The following UBXN11 variants were observed in gnomAD, a reference collection of about 807,000 sequenced individuals.
The protein encoded by UBXN11 is UBX domain protein 11.
UBXN11 carries 47 observed loss-of-function variants against 62.8 expected under a neutral mutation model. That is an observed-to-expected ratio of 0.75 (90% CI 0.59 to 0.95). The LOEUF is 0.95. Ranked by LOEUF, UBXN11 falls within the 40% of genes least tolerant of loss-of-function variation. UBXN11 has a pLI of 0.00. For missense variants in UBXN11, 638 were observed against 661.7 expected, an observed-to-expected ratio of 0.96 and a Z score of 0.39; for synonymous variants, 294 against 267.0, an observed-to-expected ratio of 1.10 and a Z score of -0.99.
At chr1:26,290,494 G>A (rs555908278) in intron 8 of UBXN11, among the ~76,000 whole-genome samples, 1 of 152,298 alleles carries the variant, frequency 6.6e-6, no homozygotes, top group Admixed American at 6.5e-5. Flanking sequence ...GAGCTTCAGA[G>A]GGGAGGGAAG....
chr1:26,306,959 TA>T (rs2073685441), upstream of UBXN11: 1 of 152,062 alleles, frequency 6.6e-6, no homozygotes, highest in Admixed American at 6.5e-5. Flanking sequence ...GCTATTTTGC[TA>T]AATTGATCTT....
intron 12 of UBXN11, among the ~76,000 whole-genome samples, chr1:26,283,175 C>A (rs1324101312): frequency 2.0e-5 from 3 of 152,026 alleles, no homozygotes; most frequent in Non-Finnish European, 4.4e-5. Context: ...GAGACAGAAC[C>A]CCACACAGAC....
chr1:26,297,920 C>G lies in UBXN11; in HGVS notation c.300+42G>C, dbSNP rs1171190401. Reference sequence around the variant, plus strand: ...GGCCTCCCCAGCCCAGTCCCTCCACCTCTCAGACCGGCCCCTGGCCCTCTC... The same window carrying G: ...GGCCTCCCCAGCCCAGTCCCTCCACGTCTCAGACCGGCCCCTGGCCCTCTC... On this transcript the variant is annotated intron_variant, in intron 5 of 14. Coordinates refer to ENST00000374222, the MANE Select transcript of UBXN11 (RefSeq NM_001389556.1). 6 of 1,600,792 alleles carry G rather than the reference C, an allele frequency of 3.7e-6. No individual in the cohort carries two copies. In the South Asian group the frequency reaches 6.7e-5, roughly 18 times the overall value.
intron 1 of UBXN11, among the ~76,000 whole-genome samples, chr1:26,305,975 G>A (rs1428221131): frequency 1.3e-5 from 2 of 152,198 alleles, no homozygotes; most frequent in African/African-American, 4.8e-5. Context: ...AGTCCAGTCC[G>A]ACACATTGTC....
At chr1:26,314,965 CAGGTACTTAGGAGGATG>C (rs1473170743) in intron 1 of UBXN11, among the ~76,000 whole-genome samples, 2 of 152,106 alleles carry the variant, frequency 1.3e-5, no homozygotes, top group Non-Finnish European at 2.9e-5. Context: ...CCTGTAGTCC[CAGGTACTTAGGAGGATG>C]AGGCGGGAGG....
At chr1:26,308,207 C>T (rs1185828256), upstream of UBXN11, among the ~76,000 whole-genome samples, 4 of 145,622 alleles carry the variant, frequency 2.7e-5, no homozygotes, top group African/African-American at 1.0e-4. Context: ...GCGGAGGTTG[C>T]GGTGAGCTGA....
chr1:26,286,701 T>A (rs1405057657), intron 8 of UBXN11, among the ~76,000 whole-genome samples: 1 of 152,108 alleles, frequency 6.6e-6, no homozygotes, highest in Non-Finnish European at 1.5e-5. Context: ...GCAGGGGTAA[T>A]TATTTTTATT....
At chr1:26,296,727 A>G (rs2073403020) in intron 7 of UBXN11, among the ~76,000 whole-genome samples, 192 bp downstream of exon 7, 1 of 152,210 alleles carries the variant, frequency 6.6e-6, no homozygotes, top group African/African-American at 2.4e-5. Context: ...GGTGTGCCCC[A>G]GCCCCAGACA....
intron 4 of UBXN11, among the ~76,000 whole-genome samples, chr1:26,299,413 G>C (rs550600100): frequency 6.6e-6 from 1 of 150,968 alleles, no homozygotes; most frequent in African/African-American, 2.4e-5. Flanking sequence ...TTGAGAGGCT[G>C]AAGTGGGAGG....
At chr1:26,301,839 C>T (rs933675835) in intron 2 of UBXN11, 117 bp from the exon 3 acceptor site, 14 of 1,379,440 alleles carry the variant, frequency 1.0e-5, no homozygotes, top group Admixed American at 6.5e-5. Flanking sequence ...GAAGCAGGGC[C>T]TCTAACTCCT....
At position 26,302,869 on chromosome 1, in the gene UBXN11, C is replaced by T. The variant is rs1330840590; in HGVS notation, c.15G>A (p.Leu5=). ...CTTTTCGGGTCTTGCTAAGGGAGGC[C>T]AAAGGTGAGCTCATAGTTCTACTTC... MSSP[L]ASLSKTRKVP... is the part of the protein sequence containing the mutation. The change falls in exon 2 of 15, where the codon TTG becomes TTA. Residue 5 remains leucine (L), a synonymous_variant. Coordinates refer to ENST00000374222, the MANE Select transcript of UBXN11 (RefSeq NM_001389556.1). 6.2e-7 allele frequency: 1 copy of T among 1,613,834 alleles called. No individual in the cohort carries two copies.
At chr1:26,293,220 G>A (rs1249117694) in intron 8 of UBXN11, among the ~76,000 whole-genome samples, 1 of 152,284 alleles carries the variant, frequency 6.6e-6, no homozygotes, top group East Asian at 1.9e-4. Flanking sequence ...GAGGTCATCT[G>A]CCCAAGTCAC....
At chr1:26,289,625 G>A (rs1474386999) in intron 8 of UBXN11, among the ~76,000 whole-genome samples, 2 of 152,112 alleles carry the variant, frequency 1.3e-5, no homozygotes, top group Admixed American at 6.5e-5. Flanking sequence ...CGATGCCCAC[G>A]CCCAGGGTCC....
rs374469521 is a variant in UBXN11 at position 26,283,538 on chromosome 1, C to G, written c.1078-601G>C. On this transcript the variant is annotated intron_variant, in intron 12 of 14. Coordinates refer to ENST00000374222, the MANE Select transcript of UBXN11 (RefSeq NM_001389556.1). ...TGGAACATTTCAACAGGGAAGGCAG[C>G]CTGGAGGATGGTCAGCAGGGGCAGG... 3.8e-4 allele frequency among the ~76,000 whole-genome samples: 58 copies of G among 152,238 alleles called. 1 individual carries two copies. Among genetic ancestry groups the G allele is most frequent in the African/African-American group, 1.4e-3 (58 of 41,538 alleles).
At chr1:26,297,912 C>A (rs943929342) in intron 5 of UBXN11, 50 bp downstream of exon 5, 2 of 1,589,922 alleles carry the variant, frequency 1.3e-6, no homozygotes, top group South Asian at 1.1e-5. Context: ...CCAGCCCAGT[C>A]CCTCCACCTC....
Position 26,300,975 on chromosome 1 carries a change from G to A in UBXN11, c.150C>T (p.Ile50=). 6.2e-7 allele frequency: 1 copy of A among 1,614,192 alleles called. No individual in the cohort carries two copies. The highest frequency in any genetic ancestry group is 8.5e-7 in the Non-Finnish European group (1 of 1,180,016). The part of the protein sequence containing the change: ...LSDGCGSEEK[I]SVPSCYGGIG... The stretch of plus-strand genomic sequence containing the variant: ...TGCCGCCATAGCAGGAAGGGACTGA[G>A]ATCTTTTCTTCTGAGCCACACCCAT... The change falls in exon 4 of 15, where the codon ATC becomes ATT. Residue 50 remains isoleucine (I), a synonymous_variant. Transcript: ENST00000374222.
At position 26,282,684 on chromosome 1, in the gene UBXN11, G is replaced by A; in HGVS notation, c.1257C>T (p.Thr419=). 1 of 1,614,154 alleles carries A rather than the reference G, an allele frequency of 6.2e-7. No homozygotes were observed. Among genetic ancestry groups the A allele is most frequent in the Non-Finnish European group, 8.5e-7 (1 of 1,180,028 alleles). ...CTAGCAGAGCTCGCACGTCCCCAAT[G>A]GTGTTGTCAGGCTGCATCATCAGTA... ...AFLLMMQPDN[T]IGDVRALLAQ... is the part of the protein sequence containing the mutation. Residue 419 remains threonine (T), a synonymous_variant, in exon 14 of 15, where the codon ACC becomes ACT. Transcript: ENST00000374222.
Position 26,298,780 on chromosome 1 carries a change from GAAAAAAAA to G in UBXN11, c.200-726_200-719del, listed in dbSNP as rs11368453. Among the ~76,000 whole-genome samples, 24 of 61,708 alleles carry G rather than the reference GAAAAAAAA, an allele frequency of 3.9e-4. 1 individual carries two copies. The highest frequency in any genetic ancestry group is 8.8e-4 in the African/African-American group (16 of 18,154). 40.5% of individuals were successfully genotyped at this position (61,708 alleles called of 152,430 possible). ...TAACAGAGTGAGGGACTCTGTCTCAGAAAAAAAAAAAAAAAAAAAAAAGTATGAAAATG... is the reference window on the plus strand; with the variant it reads ...TAACAGAGTGAGGGACTCTGTCTCAGAAAAAAAAAAAAAAGTATGAAAATG... On this transcript the variant is annotated intron_variant, in intron 4 of 14. Transcript: ENST00000374222.
At position 26,285,802 on chromosome 1, in the gene UBXN11, C is replaced by A. The variant is rs758184149; in HGVS notation, c.774+21G>T. ...GGCAGCAGGGGCACTAGAGCACCAC[C>A]CCCCCCAACACCGCTCCTACCTGTG... On this transcript the variant is annotated intron_variant, in intron 9 of 14. Transcript: ENST00000374222. 1.0e-5 allele frequency: 16 copies of A among 1,575,894 alleles called. No homozygotes were observed. The African/African-American group carries it at 2.0e-4, about 20-fold the overall frequency.
Sources: allele counts gnomAD v4.1 joint callset (sites outside exome capture counted in the v4.1 genomes callset), GRCh38; gene constraint gnomAD v4.1.1; transcripts MANE v1.5; gene names NCBI Gene and HGNC (gene_info 2026-07-23, HGNC 2026-07-21).